The following TLN2 variants were observed in gnomAD, a reference collection of about 807,000 sequenced individuals.
TLN2 encodes the protein talin 2, also known as talin-2.
A neutral mutation model predicts 294.7 loss-of-function variants in TLN2; 118 were observed. The observed-to-expected ratio is 0.40, with a 90% CI of 0.34 to 0.47. The LOEUF (loss-of-function observed/expected upper bound fraction) is 0.47. TLN2 is among the 20% of genes least tolerant of loss of function. The pLI, the probability that TLN2 is intolerant of heterozygous loss-of-function variation, is 0.84. For missense variants in TLN2, 3,083 were observed against 3,282.2 expected, an observed-to-expected ratio of 0.94 and a Z score of 1.48; for synonymous variants, 1,431 against 1,304.5, an observed-to-expected ratio of 1.10 and a Z score of -2.09.
chr15:62,524,986 C>T (rs576611347), intron 1 of TLN2, among the ~76,000 whole-genome samples: 1 of 152,314 alleles, frequency 6.6e-6, no homozygotes, highest in African/African-American at 2.4e-5. Flanking sequence ...CTAAATAGGA[C>T]AAGAGCAACA....
chr15:62,525,213 G>A (rs530683243), intron 1 of TLN2, among the ~76,000 whole-genome samples: 1 of 152,274 alleles, frequency 6.6e-6, no homozygotes, highest in Admixed American at 6.5e-5. Flanking sequence ...TGTTTAATCA[G>A]TTTATTAAAG....
chr15:62,542,721 C>T (rs1211078042), intron 1 of TLN2, among the ~76,000 whole-genome samples: 4 of 151,958 alleles, frequency 2.6e-5, no homozygotes, highest in Non-Finnish European at 4.4e-5. Flanking sequence ...GGATCTGATC[C>T]CTTGTCCTAG....
At chr15:62,587,576 C>T (rs1181816096) in intron 1 of TLN2, among the ~76,000 whole-genome samples, 1 of 152,166 alleles carries the variant, frequency 6.6e-6, no homozygotes, top group African/African-American at 2.4e-5. Context: ...GTGGTTTACT[C>T]AACATGTCTC....
At chr15:62,778,731 G>A (rs1051765666) in intron 43 of TLN2, among the ~76,000 whole-genome samples, 1 of 152,226 alleles carries the variant, frequency 6.6e-6, no homozygotes, top group Non-Finnish European at 1.5e-5. Context: ...CTTGATAGCA[G>A]TAATTAGGAA....
At chr15:62,800,229 G>C in intron 48 of TLN2, 139 bp from the exon 49 acceptor site, 1 of 1,365,790 alleles carries the variant, frequency 7.3e-7, no homozygotes, top group Non-Finnish European at 9.9e-7. Context: ...GGCTTCCCAG[G>C]AGGTCTGCCA....
chr15:62,500,791 A>G (rs72753882), intron 1 of TLN2, among the ~76,000 whole-genome samples: 1 of 152,308 alleles, frequency 6.6e-6, no homozygotes, highest in Non-Finnish European at 1.5e-5. Context: ...CAATTGGGCA[A>G]CTTTTTCCTG....
chr15:62,483,254 A>G (rs749008483), intron 1 of TLN2, among the ~76,000 whole-genome samples: 3 of 152,180 alleles, frequency 2.0e-5, no homozygotes, highest in African/African-American at 4.8e-5. Context: ...TCTTGCATTT[A>G]ACAGGAATGG....
chr15:62,604,685 C>G (rs932275246), intron 2 of TLN2, among the ~76,000 whole-genome samples: 2 of 139,786 alleles, frequency 1.4e-5, no homozygotes, highest in Non-Finnish European at 3.1e-5. Flanking sequence ...GATTTCTTCT[C>G]TTCGTCTTCT....
At chr15:62,639,826 C>T (rs2050808835) in intron 3 of TLN2, among the ~76,000 whole-genome samples, 1 of 152,180 alleles carries the variant, frequency 6.6e-6, no homozygotes, top group African/African-American at 2.4e-5. Context: ...TTAGAGAGGG[C>T]CTTGGTAACT....
At chr15:62,644,572 C>T (rs1281052094) in intron 3 of TLN2, 8 of 456,038 alleles carry the variant, frequency 1.8e-5, no homozygotes, top group Non-Finnish European at 3.1e-5. Context: ...TTCATGTCCT[C>T]CTGTTTCTGC....
intron 1 of TLN2, among the ~76,000 whole-genome samples, chr15:62,496,063 TGTA>T: frequency 6.6e-6 from 1 of 152,268 alleles, no homozygotes; most frequent in East Asian, 1.9e-4. Flanking sequence ...GGAAGGCAAT[TGTA>T]GTGGATGGAA....
intron 19 of TLN2, among the ~76,000 whole-genome samples, chr15:62,705,132 C>A (rs2058976237): frequency 6.6e-6 from 1 of 152,190 alleles, no homozygotes; most frequent in South Asian, 2.1e-4. Flanking sequence ...ATGTTTGTTT[C>A]TATTCAGATG....
chr15:62,694,541 C>G, intron 14 of TLN2, 149 bp downstream of exon 14: 1 of 625,598 alleles, frequency 1.6e-6, no homozygotes, highest in East Asian at 2.9e-5. Flanking sequence ...GCGTGGTCCC[C>G]AGACCAGCAG....
At chr15:62,568,772 C>A (rs1377390547) in intron 1 of TLN2, among the ~76,000 whole-genome samples, 1 of 152,200 alleles carries the variant, frequency 6.6e-6, no homozygotes, top group African/African-American at 2.4e-5. Flanking sequence ...CCCTGTCCTC[C>A]TGAGCTCTCC....
intron 28 of TLN2, among the ~76,000 whole-genome samples, chr15:62,735,311 C>T (rs1004032831): frequency 6.6e-6 from 1 of 152,188 alleles, no homozygotes; most frequent in African/African-American, 2.4e-5. Flanking sequence ...GACTGTGTGC[C>T]AGGTAGTAAG....
Position 62,738,181 on chromosome 15 carries a change from C to T in TLN2, c.3568-33C>T, listed in dbSNP as rs764889013. 7 of 1,610,578 alleles carry T rather than the reference C, an allele frequency of 4.3e-6. No homozygotes were observed. The Admixed American group carries it at 8.4e-5, about 19-fold the overall frequency. On this transcript the variant is annotated intron_variant, in intron 29 of 58. Coordinates refer to ENST00000636159, the MANE Select transcript of TLN2 (RefSeq NM_015059.3). ...CAACAAATGTGCAGAAATGTTTGTACTTAAAGGTGCTTCTCTCTCTCCACG... is the reference window on the plus strand; with the variant it reads ...CAACAAATGTGCAGAAATGTTTGTATTTAAAGGTGCTTCTCTCTCTCCACG...
In TLN2 at chr15:62,577,216, G is replaced by A. The variant is rs936932764; in HGVS notation, c.-237-12471G>A. On this transcript the variant is annotated intron_variant, in intron 1 of 58. Coordinates refer to ENST00000636159, the MANE Select transcript of TLN2 (RefSeq NM_015059.3). Reference sequence around the variant, plus strand: ...CCCAGCCCTTTGGGAGGCTGAGGCGGGCGGATCACCTGAGGTCGGGCATTC... The same window carrying A: ...CCCAGCCCTTTGGGAGGCTGAGGCGAGCGGATCACCTGAGGTCGGGCATTC... 3.9e-5 allele frequency among the ~76,000 whole-genome samples: 6 copies of A among 152,194 alleles called. No individual in the cohort carries two copies. The South Asian group carries it at 1.0e-3, about 26-fold the overall frequency.
chr15:62,433,776 A>G (rs1216640755), intron 1 of TLN2, among the ~76,000 whole-genome samples: 1 of 152,016 alleles, frequency 6.6e-6, no homozygotes, highest in Non-Finnish European at 1.5e-5. Flanking sequence ...ATCACTTGAG[A>G]TCAGGAGTTC....
At chr15:62,618,060 A>G (rs2048458852) in intron 2 of TLN2, among the ~76,000 whole-genome samples, 2 of 151,552 alleles carry the variant, frequency 1.3e-5, no homozygotes, top group Non-Finnish European at 2.9e-5. Context: ...TGGCCTCTCA[A>G]CGTGTTGAGA....
Sources: allele counts gnomAD v4.1 joint callset (sites outside exome capture counted in the v4.1 genomes callset), GRCh38; gene constraint gnomAD v4.1.1; transcripts MANE v1.5; gene names NCBI Gene and HGNC (gene_info 2026-07-23, HGNC 2026-07-21).